TNN: variants seen among roughly 807,000 people sequenced by gnomAD.
TNN encodes the protein tenascin-N.
TNN carries 122 observed loss-of-function variants against 134.4 expected under a neutral mutation model. That is an observed-to-expected ratio of 0.91 (90% CI 0.78 to 1.06). The LOEUF (loss-of-function observed/expected upper bound fraction) is 1.06, where lower values mean the gene tolerates loss of function less well. TNN is among the 50% of genes least tolerant of loss of function. The pLI is 0.00. For missense variants in TNN, 1,739 were observed against 1,699.4 expected (o/e 1.02, Z -0.41); for synonymous variants, 710 against 670.3 (o/e 1.06, Z -0.91).
chr1:175,131,398 C>G (rs1044358360), intron 15 of TNN, among the ~76,000 whole-genome samples: 9 of 152,206 alleles, frequency 5.9e-5, no homozygotes, highest in Admixed American at 3.3e-4. Context: ...AATGACAACT[C>G]TAGTATAGAA....
intron 18 of TNN, among the ~76,000 whole-genome samples, chr1:175,146,680 A>G (rs534508384): frequency 1.4e-4 from 21 of 151,844 alleles, no homozygotes; most frequent in Admixed American, 8.5e-4. Context: ...CTCCCACCAT[A>G]GAGACCGCCA....
chr1:175,109,072 ATTTTTTTTTTTTTTT>A (rs1160268455), intron 9 of TNN, among the ~76,000 whole-genome samples: 7 of 61,976 alleles, frequency 1.1e-4, no homozygotes, highest in African/African-American at 3.4e-4. Flanking sequence ...ATCTAACTGT[ATTTTTTTTTTTTTTT>A]TTTTTTTTTT....
intron 18 of TNN, among the ~76,000 whole-genome samples, chr1:175,146,344 C>A (rs543433471): frequency 3.3e-5 from 5 of 152,186 alleles, no homozygotes; most frequent in Non-Finnish European, 5.9e-5. Flanking sequence ...AATTAAAATA[C>A]ATAAAATTGG....
At chr1:175,135,760 A>T (rs1558374143) in intron 15 of TNN, 85 bp from the exon 16 acceptor site, 5 of 1,055,642 alleles carry the variant, frequency 4.7e-6, no homozygotes, top group Non-Finnish European at 7.4e-6. Flanking sequence ...AAGGCAGTGT[A>T]TGAGCAAGCT....
In TNN at chr1:175,109,072, A is replaced by ATTTTTTTTTT. The variant is rs1160268455; in HGVS notation, c.2120-7849_2120-7840dup. On this transcript the variant is annotated intron_variant, in intron 9 of 18. Coordinates refer to ENST00000239462, the MANE Select transcript of TNN (RefSeq NM_022093.2). Reference sequence around the variant, plus strand: ...GAATGTATTTCTTCTATCTAACTGTATTTTTTTTTTTTTTTTTTTTTTTTT... The same window carrying ATTTTTTTTTT: ...GAATGTATTTCTTCTATCTAACTGTATTTTTTTTTTTTTTTTTTTTTTTTTTTTTTTTTTT... Among the ~76,000 whole-genome samples the ATTTTTTTTTT allele has an allele frequency of 2.9e-3, 181 of 61,958 alleles. 42 individuals are homozygous for ATTTTTTTTTT. The highest frequency in any genetic ancestry group is 8.7e-3 in the African/African-American group (130 of 14,896). The allele number at this position is 61,958 out of a possible 152,430, so 40.6% of individuals were successfully genotyped here. A position where few individuals can be genotyped will look rare whatever the true frequency, so the allele number is the denominator to read the frequency against.
chr1:175,092,267 T>C (rs1310216191), intron 6 of TNN, among the ~76,000 whole-genome samples: 1 of 152,192 alleles, frequency 6.6e-6, no homozygotes, highest in Admixed American at 6.5e-5. Context: ...TCTCTATCGT[T>C]GCACTCTTTT....
intron 1 of TNN, among the ~76,000 whole-genome samples, chr1:175,070,033 G>A (rs1168404281): frequency 6.6e-6 from 1 of 152,178 alleles, no homozygotes; most frequent in African/African-American, 2.4e-5. Flanking sequence ...TCTGGGGACT[G>A]GCTGTTTGGT....
chr1:175,117,147 C>T lies in TNN; in HGVS notation c.2328C>T (p.His776=), dbSNP rs143067583. Residue 776 remains histidine, a synonymous_variant, in exon 10 of 19, where the codon CAC becomes CAT. Transcript: ENST00000239462. ...GLRPGVEYTV[H]VWAQKGAQES... is the part of the protein sequence containing the mutation. ...GGCCGGGTGTGGAGTACACGGTGCA[C>T]GTGTGGGCCCAGAAGGGGGCCCAGG... is the stretch of plus-strand genomic sequence containing the variant. 3.5e-5 allele frequency: 57 copies of T among 1,614,230 alleles called. No homozygotes were observed. The highest frequency in any genetic ancestry group is 6.7e-5 in the African/African-American group (5 of 75,052).
At chr1:175,118,444 A>C (rs1675245050) in intron 10 of TNN, 117 bp from the exon 11 acceptor site, 1 of 1,240,406 alleles carries the variant, frequency 8.1e-7, no homozygotes, top group East Asian at 2.3e-5. Flanking sequence ...AAACAAGAGC[A>C]TATGAGGCGG....
Position 175,094,037 on chromosome 1 carries a change from A to G in TNN, c.1372A>G (p.Thr458Ala), listed in dbSNP as rs373572994. 85 of 1,612,422 alleles carry G rather than the reference A, an allele frequency of 5.3e-5. No individual in the cohort carries two copies. The highest frequency in any genetic ancestry group is 6.2e-5 in the Non-Finnish European group (73 of 1,178,628). Residue 458 changes from threonine to alanine, a missense_variant, in exon 7 of 19, where the codon ACA becomes GCA. Thr to Ala is a moderately conservative substitution (Grantham distance 58, BLOSUM62 0). Transcript: ENST00000239462. Reference sequence around the variant, plus strand: ...TGTCACTGATCGAGTGACTGAAGACACAGCAACTGTCTCCTGGGACCCAGT... The same window carrying G: ...TGTCACTGATCGAGTGACTGAAGACGCAGCAACTGTCTCCTGGGACCCAGT... ...NVVTDRVTED[T>A]ATVSWDPVQA...
intron 1 of TNN, among the ~76,000 whole-genome samples, chr1:175,072,158 A>G (rs1673929269): frequency 6.6e-6 from 1 of 152,232 alleles, no homozygotes; most frequent in Admixed American, 6.5e-5. Context: ...CATGCAGCCC[A>G]TGGTCAGTCG....
intron 15 of TNN, among the ~76,000 whole-genome samples, chr1:175,131,862 G>T (rs1297824536): frequency 1.3e-5 from 2 of 149,150 alleles, no homozygotes; most frequent in Non-Finnish European, 3.0e-5. Flanking sequence ...AAACAGTGAT[G>T]CAAAGAGCAC....
At chr1:175,070,734 T>C (rs1437306008) in intron 1 of TNN, among the ~76,000 whole-genome samples, 2 of 152,206 alleles carry the variant, frequency 1.3e-5, no homozygotes, top group African/African-American at 2.4e-5. Flanking sequence ...CCCTTGTATA[T>C]CCATTTTCTT....
At chr1:175,085,263 T>G (rs1674295562) in intron 5 of TNN, 142 bp from the exon 6 acceptor site, 1 of 623,008 alleles carries the variant, frequency 1.6e-6, no homozygotes, top group Non-Finnish European at 2.9e-6. Flanking sequence ...GGGCTTTATT[T>G]GCCTGCAAAT....
At position 175,128,761 on chromosome 1, in the gene TNN, A is replaced by G; in HGVS notation, c.3330+15A>G. 6.2e-7 allele frequency: 1 copy of G among 1,607,616 alleles called. No individual in the cohort carries two copies. The highest frequency in any genetic ancestry group is 8.5e-7 in the Non-Finnish European group (1 of 1,176,088). On this transcript the variant is annotated intron_variant, in intron 15 of 18. Transcript: ENST00000239462. ...GTGGCTGGATTGTGAGTCACGCAGA[A>G]CCCTGGGGAGCTCTGTGTAGGGCCT...
chr1:175,100,515 G>A (rs912402297), intron 9 of TNN, among the ~76,000 whole-genome samples: 4 of 152,228 alleles, frequency 2.6e-5, no homozygotes, highest in Admixed American at 2.0e-4. Context: ...GGGCGAAAAT[G>A]ATTGGTCAGC....
Position 175,107,872 on chromosome 1 carries a change from G to A in TNN, c.2120-9067G>A, listed in dbSNP as rs1264801037. On this transcript the variant is annotated intron_variant, in intron 9 of 18. Transcript: ENST00000239462. ...CCCCACCAGAGCAGCTAGATACAGAGTGTCGATTGGTGCACTCACAAACCT... is the reference window on the plus strand; with the variant it reads ...CCCCACCAGAGCAGCTAGATACAGAATGTCGATTGGTGCACTCACAAACCT... Among the ~76,000 whole-genome samples, 89 of 139,778 alleles carry A rather than the reference G, an allele frequency of 6.4e-4. No homozygotes were observed. In the East Asian group the frequency reaches 0.018, roughly 28 times the overall value. The allele number at this position is 139,778 out of a possible 152,430, so 91.7% of individuals were successfully genotyped here. A position where few individuals can be genotyped will look rare whatever the true frequency, so the allele number is the denominator to read the frequency against.
chr1:175,097,654 G>T lies in TNN; in HGVS notation c.1826G>T (p.Ser609Ile), dbSNP rs544011186. Residue 609 changes from serine (S) to isoleucine (I), a missense_variant, in exon 8 of 19, where the codon AGC (serine) becomes ATC (isoleucine). Ser to Ile is a moderately radical substitution (Grantham distance 142). Transcript: ENST00000239462. ...TGGGCCCAGAAGGGGGACCGAGAGA[G>T]CAAGAAGGCTGACACCAACGCCCCG... is the stretch of plus-strand genomic sequence containing the variant. The part of the protein sequence containing the change: ...HVWAQKGDRE[S>I]KKADTNAPTD... 2 of 1,614,190 alleles carry T rather than the reference G, an allele frequency of 1.2e-6. No individual in the cohort carries two copies. Among genetic ancestry groups the T allele is most frequent in the South Asian group, 2.2e-5 (2 of 91,072 alleles).
intron 11 of TNN, among the ~76,000 whole-genome samples, chr1:175,119,867 T>C (rs1334966302): frequency 1.3e-5 from 2 of 152,134 alleles, no homozygotes; most frequent in East Asian, 3.9e-4. Context: ...CTCAATCTCC[T>C]GACCTCGTGA....
Sources: allele counts gnomAD v4.1 joint callset (sites outside exome capture counted in the v4.1 genomes callset), GRCh38; gene constraint gnomAD v4.1.1; transcripts MANE v1.5; gene names NCBI Gene and HGNC (gene_info 2026-07-23, HGNC 2026-07-21).